Variants in CCDC150 observed in about 807,000 individuals in gnomAD.
CCDC150 encodes coiled-coil domain containing 150.
In CCDC150, 151 loss-of-function variants were observed where a neutral mutation model predicts 156.5. That is an observed-to-expected ratio of 0.97 (90% CI 0.85 to 1.10). CCDC150 has a LOEUF of 1.10. Ranked by LOEUF, CCDC150 falls within the 50% of genes least tolerant of loss-of-function variation. The pLI, the probability that CCDC150 is intolerant of heterozygous loss-of-function variation, is 0.00. For missense variants in CCDC150, 1,312 were observed against 1,268.1 expected (o/e 1.03, Z -0.53); for synonymous variants, 452 against 429.4 (o/e 1.05, Z -0.65).
chr2:196,655,260 C>T (rs1357807145), intron 2 of CCDC150, among the ~76,000 whole-genome samples: 1 of 152,158 alleles, frequency 6.6e-6, no homozygotes, highest in Admixed American at 6.5e-5. Context: ...GGAGTGGGCC[C>T]GTTTTATATC....
chr2:196,718,635 A>G lies in CCDC150; in HGVS notation c.1995+4A>G, dbSNP rs766724309. ...GGAGGACAGGGAAAACAAGAAGGCA[A>G]GGAATCAGTCCCTTCTGACCGTCTG... On this transcript the variant is annotated splice_donor_region_variant and intron_variant, in intron 18 of 27. Transcript: ENST00000389175. The G allele has an allele frequency of 1.2e-6, 2 of 1,613,220 alleles. No homozygotes were observed.
rs1472879595 is a variant in CCDC150 at position 196,716,941 on chromosome 2, ACCTCTG to A, written c.1867-1557_1867-1552del. Among the ~76,000 whole-genome samples, 3 of 147,980 alleles carry A rather than the reference ACCTCTG, an allele frequency of 2.0e-5. No homozygotes were observed. In the Admixed American group the frequency reaches 2.0e-4, roughly 10 times the overall value. On this transcript the variant is annotated intron_variant, in intron 17 of 27. Transcript: ENST00000389175. Reference sequence around the variant, plus strand: ...CGCCATCTTGGCTTGGCTCACTGCAACCTCTGCCTCCTGGGTTCAAGCGATTCTCGT... The same window carrying A: ...CGCCATCTTGGCTTGGCTCACTGCAACCTCCTGGGTTCAAGCGATTCTCGT...
chr2:196,672,118 T>C (rs1694238353), intron 8 of CCDC150, among the ~76,000 whole-genome samples: 1 of 152,192 alleles, frequency 6.6e-6, no homozygotes. Context: ...TGGTATCTCA[T>C]TATTGTTTTA....
In CCDC150 at chr2:196,729,973, G is replaced by T. The variant is rs1188331471; in HGVS notation, c.2837G>T (p.Arg946Ile). The change falls in exon 25 of 28, where the codon AGA (arginine) becomes ATA (isoleucine). Residue 946 changes from arginine to isoleucine, a missense_variant. Transcript: ENST00000389175. ...TCCTTCCAGTCTTTGAGTATCCAGA[G>T]ATTTGTGTGTGAAATGACTAACCTG... Reference protein sequence around the residue: ...KNYEQSLSIQRFVCEMTNLQK... With the variant: ...KNYEQSLSIQIFVCEMTNLQK... 1 of 1,612,960 alleles carries T rather than the reference G, an allele frequency of 6.2e-7. No individual in the cohort carries two copies. Among genetic ancestry groups the T allele is most frequent in the East Asian group, 2.2e-5 (1 of 44,878 alleles).
chr2:196,676,852 C>G, intron 12 of CCDC150, 121 bp downstream of exon 12: 1 of 884,090 alleles, frequency 1.1e-6, no homozygotes, highest in South Asian at 1.7e-5. Context: ...CTGAGTTGCC[C>G]AGTAAAGAAT....
chr2:196,656,745 T>C lies in CCDC150; in HGVS notation c.289T>C (p.Cys97Arg). 2 of 1,571,616 alleles carry C rather than the reference T, an allele frequency of 1.3e-6. No individual in the cohort carries two copies. Among genetic ancestry groups the C allele is most frequent in the East Asian group, 2.2e-5 (1 of 44,878 alleles). The stretch of plus-strand genomic sequence containing the variant: ...AAAAACAGATATTTTATGGAAGAAC[T>C]GTGAGTTTCTGGTAAATCGAATGTG... ...AGKTDILWKN[C>R]EFLVNRMCRL... Residue 97 changes from cysteine to arginine, a missense_variant, in exon 3 of 28, where the codon TGT (cysteine) becomes CGT (arginine). Coordinates refer to ENST00000389175, the MANE Select transcript of CCDC150 (RefSeq NM_001080539.2).
intron 13 of CCDC150, among the ~76,000 whole-genome samples, chr2:196,681,991 T>C (rs1339155427): frequency 6.6e-6 from 1 of 152,144 alleles, no homozygotes; most frequent in Non-Finnish European, 1.5e-5. Context: ...TTCCTTGGAT[T>C]GTTTGTGTTT....
chr2:196,665,142 A>C (rs983965852), intron 5 of CCDC150, among the ~76,000 whole-genome samples: 2 of 152,220 alleles, frequency 1.3e-5, no homozygotes, highest in Non-Finnish European at 2.9e-5. Context: ...AGTGTTTTTC[A>C]AACTTTTTTT....
chr2:196,683,597 T>C (rs7562195), intron 13 of CCDC150, among the ~76,000 whole-genome samples: 82,662 of 151,948 alleles, frequency 0.54, 27,616 homozygotes, highest in East Asian at 0.92. Flanking sequence ...AATTCTTCTT[T>C]AAATATTTTG....
At chr2:196,648,398 A>G (rs912660515) in intron 2 of CCDC150, among the ~76,000 whole-genome samples, 1 of 151,924 alleles carries the variant, frequency 6.6e-6, no homozygotes, top group Non-Finnish European at 1.5e-5. Context: ...GATGTTGAGT[A>G]TTTTTTTAAT....
At chr2:196,662,040 G>A (rs955996566) in intron 5 of CCDC150, among the ~76,000 whole-genome samples, 1 of 151,982 alleles carries the variant, frequency 6.6e-6, no homozygotes, top group African/African-American at 2.4e-5. Context: ...AACTTTCAAG[G>A]AATAAATTAT....
intron 13 of CCDC150, among the ~76,000 whole-genome samples, chr2:196,678,628 C>A (rs918648427): frequency 6.6e-6 from 1 of 152,094 alleles, no homozygotes; most frequent in Non-Finnish European, 1.5e-5. Context: ...TGAGAGTGGG[C>A]GTGGTGGCTC....
intron 14 of CCDC150, among the ~76,000 whole-genome samples, chr2:196,698,200 A>G (rs1332683364): frequency 2.0e-5 from 3 of 152,200 alleles, no homozygotes; most frequent in Non-Finnish European, 4.4e-5. Flanking sequence ...CAGTAATTTA[A>G]GTAACTGCCT....
chr2:196,713,698 C>A, intron 17 of CCDC150: 3 of 1,376,914 alleles, frequency 2.2e-6, no homozygotes, highest in Non-Finnish European at 2.8e-6. Flanking sequence ...GTGAAGACCA[C>A]AAATTAAATC....
At chr2:196,656,317 G>A (rs2125583445) in intron 2 of CCDC150, among the ~76,000 whole-genome samples, 1 of 152,238 alleles carries the variant, frequency 6.6e-6, no homozygotes, top group South Asian at 2.1e-4. Context: ...CCTGGGGTGG[G>A]GTTTGGACCT....
At chr2:196,663,123 C>G (rs1693646907) in intron 5 of CCDC150, among the ~76,000 whole-genome samples, 1 of 151,994 alleles carries the variant, frequency 6.6e-6, no homozygotes, top group African/African-American at 2.4e-5. Context: ...CCTTTAGTAC[C>G]AGGTACTCAG....
At chr2:196,647,448 A>G (rs1575745808) in intron 2 of CCDC150, among the ~76,000 whole-genome samples, 2 of 152,266 alleles carry the variant, frequency 1.3e-5, no homozygotes, top group East Asian at 3.9e-4. Context: ...TTTCTACATA[A>G]CAAGAAAAGG....
At chr2:196,680,881 CTTGTTA>C (rs1177176566) in intron 13 of CCDC150, among the ~76,000 whole-genome samples, 6 of 152,172 alleles carry the variant, frequency 3.9e-5, no homozygotes, top group African/African-American at 7.2e-5. Context: ...CTTACTAACA[CTTGTTA>C]TTGTTCACAT....
intron 13 of CCDC150, among the ~76,000 whole-genome samples, chr2:196,691,833 C>T (rs914855680): frequency 2.0e-5 from 3 of 151,838 alleles, no homozygotes; most frequent in African/African-American, 4.8e-5. Context: ...CCCAGCTACT[C>T]GGGAGACTGA....
Sources: allele counts gnomAD v4.1 joint callset (sites outside exome capture counted in the v4.1 genomes callset), GRCh38; gene constraint gnomAD v4.1.1; transcripts MANE v1.5; gene names NCBI Gene and HGNC (gene_info 2026-07-23, HGNC 2026-07-21).